Variants in ADGRL3 observed in about 807,000 individuals in gnomAD.
ADGRL3 encodes the protein calcium-independent alpha-latrotoxin receptor 3.
ADGRL3 carries 62 observed loss-of-function variants against 153.5 expected under a neutral mutation model. The ratio of observed to expected loss-of-function variants is 0.40; its 90% CI spans 0.33 to 0.50. The LOEUF (loss-of-function observed/expected upper bound fraction) is 0.50, where lower values mean the gene tolerates loss of function less well. Among genes scored for constraint, ADGRL3 ranks in the 20% least tolerant of loss-of-function variants. The pLI is 0.47. For synonymous variants in ADGRL3, 710 were observed against 672.5 expected, an observed-to-expected ratio of 1.06 and a Z score of -0.86; for missense variants, 1,641 against 1,859.4, an observed-to-expected ratio of 0.88 and a Z score of 2.16.
intron 2 of ADGRL3, among the ~76,000 whole-genome samples, chr4:61,483,661 C>CG (rs2098156323): frequency 6.6e-6 from 1 of 151,860 alleles, no homozygotes. Flanking sequence ...TGCTTGAACT[C>CG]GGGAAGGGGA....
At chr4:61,834,296 AT>A (rs1449468903) in intron 9 of ADGRL3, among the ~76,000 whole-genome samples, 2 of 152,138 alleles carry the variant, frequency 1.3e-5, no homozygotes, top group Non-Finnish European at 2.9e-5. Flanking sequence ...TGAACTCGTC[AT>A]TTTTTATGGC....
intron 4 of ADGRL3, among the ~76,000 whole-genome samples, chr4:61,531,006 C>T (rs2098609639): frequency 6.6e-6 from 1 of 152,014 alleles, no homozygotes; most frequent in African/African-American, 2.4e-5. Context: ...GTCTGTGGCT[C>T]ATAGTATTAA....
intron 17 of ADGRL3, among the ~76,000 whole-genome samples, chr4:61,949,585 C>G (rs1459746424): frequency 6.6e-6 from 1 of 151,852 alleles, no homozygotes; most frequent in Non-Finnish European, 1.5e-5. Context: ...ATCCCAGCTA[C>G]TCGGGAGGCT....
At chr4:61,664,544 A>G (rs2094715957) in intron 5 of ADGRL3, among the ~76,000 whole-genome samples, 1 of 152,042 alleles carries the variant, frequency 6.6e-6, no homozygotes, top group Non-Finnish European at 1.5e-5. Flanking sequence ...TTTTCATTTT[A>G]AATTTCAATA....
intron 24 of ADGRL3, among the ~76,000 whole-genome samples, chr4:62,040,073 A>G (rs1727369495): frequency 6.6e-6 from 1 of 152,100 alleles, no homozygotes; most frequent in Non-Finnish European, 1.5e-5. Flanking sequence ...GCCACGTACC[A>G]GCTATGACAC....
At chr4:61,959,113 T>C (rs1247156759) in intron 17 of ADGRL3, among the ~76,000 whole-genome samples, 1 of 152,216 alleles carries the variant, frequency 6.6e-6, no homozygotes. Flanking sequence ...CTCTGTTGTT[T>C]AGAAGAATGT....
intron 8 of ADGRL3, among the ~76,000 whole-genome samples, chr4:61,779,211 C>G (rs2097186240): frequency 6.6e-6 from 1 of 151,978 alleles, no homozygotes; most frequent in Admixed American, 6.6e-5. Context: ...TTTGTATAAT[C>G]AAACCTATGT....
At chr4:61,375,414 A>G (rs1219249756) in intron 1 of ADGRL3, among the ~76,000 whole-genome samples, 1 of 152,188 alleles carries the variant, frequency 6.6e-6, no homozygotes, top group East Asian at 1.9e-4. Context: ...TTCTTGCTCA[A>G]ATTTTGGACA....
chr4:61,547,274 C>CT (rs936766109), intron 4 of ADGRL3, among the ~76,000 whole-genome samples: 75 of 142,832 alleles, frequency 5.3e-4, no homozygotes, highest in Non-Finnish European at 5.2e-4. Context: ...GTTTTTTTTA[C>CT]TTTTTTTTTT....
chr4:61,918,682 AGCACTGCTGAATCTGCTCAGAAAT>A (rs2098755168), intron 13 of ADGRL3, among the ~76,000 whole-genome samples: 1 of 152,198 alleles, frequency 6.6e-6, no homozygotes, highest in Admixed American at 6.5e-5. Context: ...AATGATGTGA[AGCACTGCTGAATCTGCTCAGAAAT>A]GCTGATACAG....
intron 2 of ADGRL3, among the ~76,000 whole-genome samples, chr4:61,495,001 T>C (rs2098297736): frequency 6.6e-6 from 1 of 152,162 alleles, no homozygotes; most frequent in South Asian, 2.1e-4. Context: ...TAATTAAAAA[T>C]TACAAATTTT....
rs138574301 is a variant in ADGRL3 at position 61,737,462 on chromosome 4, T to C, written c.1399+3908T>C. Reference sequence around the variant, plus strand: ...CATAGGTAGCATAGGCTTCTGAACATGAGCTTGGGAGTCAGAAGGACGTGG... The same window carrying C: ...CATAGGTAGCATAGGCTTCTGAACACGAGCTTGGGAGTCAGAAGGACGTGG... On this transcript the variant is annotated intron_variant, in intron 8 of 26. Transcript: ENST00000683033. 2.4e-4 allele frequency among the ~76,000 whole-genome samples: 36 copies of C among 152,314 alleles called. No homozygotes were observed. The East Asian group carries it at 6.2e-3, about 26-fold the overall frequency.
At chr4:61,416,333 A>C (rs2097144547) in intron 2 of ADGRL3, among the ~76,000 whole-genome samples, 1 of 150,084 alleles carries the variant, frequency 6.7e-6, no homozygotes, top group South Asian at 2.1e-4. Flanking sequence ...TATTAGAAAA[A>C]AAATTAAAAG....
chr4:61,775,719 C>T (rs1399146233), intron 8 of ADGRL3: 42 of 1,162,798 alleles, frequency 3.6e-5, no homozygotes, highest in Non-Finnish European at 5.1e-5. Flanking sequence ...GGGCTTGGTG[C>T]TTGTCTAAGC....
chr4:61,921,083 A>T (rs2098766836), intron 13 of ADGRL3, among the ~76,000 whole-genome samples: 2 of 152,156 alleles, frequency 1.3e-5, no homozygotes, highest in Non-Finnish European at 2.9e-5. Context: ...AGATATAGAT[A>T]AAAATGTTCT....
chr4:61,345,301 A>G (rs2095877973), intron 1 of ADGRL3, among the ~76,000 whole-genome samples: 2 of 152,160 alleles, frequency 1.3e-5, no homozygotes, highest in Admixed American at 1.3e-4. Flanking sequence ...TCTAATGATT[A>G]AATGATTGCT....
At chr4:61,604,206 A>G (rs1382474401) in intron 5 of ADGRL3, among the ~76,000 whole-genome samples, 2 of 152,158 alleles carry the variant, frequency 1.3e-5, no homozygotes, top group Admixed American at 6.6e-5. Flanking sequence ...CTGTAAGACT[A>G]GAACCACGCA....
At chr4:61,939,040 G>A (rs567697315) in intron 15 of ADGRL3, among the ~76,000 whole-genome samples, 82 of 151,946 alleles carry the variant, frequency 5.4e-4, no homozygotes, top group Non-Finnish European at 1.0e-3. Context: ...TAAAGTAAAG[G>A]AAATAATACA....
chr4:61,671,692 G>T (rs2095006905), intron 5 of ADGRL3, among the ~76,000 whole-genome samples: 1 of 152,024 alleles, frequency 6.6e-6, no homozygotes, highest in East Asian at 1.9e-4. Flanking sequence ...GAATTCTGGG[G>T]CACTCAGATA....
Sources: allele counts gnomAD v4.1 joint callset (sites outside exome capture counted in the v4.1 genomes callset), GRCh38; gene constraint gnomAD v4.1.1; transcripts MANE v1.5; gene names NCBI Gene and HGNC (gene_info 2026-07-23, HGNC 2026-07-21).